The following ENOSF1 variants were observed in gnomAD, a reference collection of about 807,000 sequenced individuals.
The protein encoded by ENOSF1 is mitochondrial enolase superfamily member 1.
In ENOSF1, 73 loss-of-function variants were observed where a neutral mutation model predicts 68.2. The ratio of observed to expected loss-of-function variants is 1.07; its 90% CI spans 0.89 to 1.30. The LOEUF is 1.30. Ranked by LOEUF, ENOSF1 falls within the 50% of genes most tolerant of loss-of-function variation. The probability of loss-of-function intolerance (pLI) is 0.00; values close to 1 mark genes in which losing one functional copy is unlikely to be tolerated. For missense variants in ENOSF1, 589 were observed against 554.5 expected, an observed-to-expected ratio of 1.06 and a Z score of -0.62; for synonymous variants, 223 against 210.4, an observed-to-expected ratio of 1.06 and a Z score of -0.52.
chr18:702,633 G>A (rs953842158), intron 2 of ENOSF1, among the ~76,000 whole-genome samples: 11 of 152,000 alleles, frequency 7.2e-5, no homozygotes, highest in Non-Finnish European at 1.0e-4. Context: ...CCAGCTACTC[G>A]GGAAGGTGAG....
At chr18:695,297 G>T (rs192908721) in intron 3 of ENOSF1, among the ~76,000 whole-genome samples, 1 of 152,024 alleles carries the variant, frequency 6.6e-6, no homozygotes, top group Non-Finnish European at 1.5e-5. Context: ...TACATTTTTT[G>T]GCATCAATAC....
intron 2 of ENOSF1, among the ~76,000 whole-genome samples, chr18:703,352 T>C (rs891638734): frequency 6.0e-5 from 9 of 149,684 alleles, no homozygotes; most frequent in African/African-American, 2.0e-4. Flanking sequence ...GTTTAAAGTC[T>C]GGGCTGTTAA....
intron 8 of ENOSF1, among the ~76,000 whole-genome samples, chr18:689,992 C>G (rs987916994): frequency 1.3e-5 from 2 of 152,090 alleles, no homozygotes; most frequent in East Asian, 1.9e-4. Context: ...GAACAGGGTT[C>G]AGAGAGCTTC....
At chr18:702,601 A>C (rs1301856755) in intron 2 of ENOSF1, among the ~76,000 whole-genome samples, 1 of 151,968 alleles carries the variant, frequency 6.6e-6, no homozygotes, top group Admixed American at 6.6e-5. Flanking sequence ...TTAGCTAGGC[A>C]TGGTGGCTTG....
chr18:666,887 C>G (rs562661108), downstream of ENOSF1, among the ~76,000 whole-genome samples: 2 of 122,632 alleles, frequency 1.6e-5, no homozygotes, highest in African/African-American at 7.7e-5. Flanking sequence ...CGAAAAAGTT[C>G]GGGAGATGGT....
At chr18:677,075 A>C (rs2075588299) in intron 14 of ENOSF1, among the ~76,000 whole-genome samples, 1 of 152,222 alleles carries the variant, frequency 6.6e-6, no homozygotes, top group South Asian at 2.1e-4. Flanking sequence ...TGAAAACAGG[A>C]GCTGGTTAAG....
At chr18:666,467 C>T (rs2074818076), downstream of ENOSF1, among the ~76,000 whole-genome samples, 1 of 152,150 alleles carries the variant, frequency 6.6e-6, no homozygotes, top group Non-Finnish European at 1.5e-5. Context: ...TTGGTGTCAC[C>T]TCTTACTGGA....
At chr18:710,381 A>G (rs2079381913) in intron 1 of ENOSF1, among the ~76,000 whole-genome samples, 1 of 152,180 alleles carries the variant, frequency 6.6e-6, no homozygotes, top group Admixed American at 6.5e-5. Context: ...AAGTGCTGGG[A>G]TTATAGGCTT....
chr18:669,343 G>T, downstream of ENOSF1: 9 of 493,468 alleles, frequency 1.8e-5, no homozygotes, highest in East Asian at 3.1e-5. Context: ...TTCACCTTCA[G>T]ATCATGAGGT....
chr18:694,255 T>A lies in ENOSF1; in HGVS notation c.389A>T (p.Glu130Val), dbSNP rs555175383. 2.5e-6 allele frequency: 4 copies of A among 1,614,100 alleles called. No individual in the cohort carries two copies. The South Asian group carries it at 4.4e-5, about 18-fold the overall frequency. ...GTTTGTGAGAGGGGTTACCTTTCCCTCCTGCTTGGCCCACAAGTCCCACAC... is the reference window on the plus strand; with the variant it reads ...GTTTGTGAGAGGGGTTACCTTTCCCACCTGCTTGGCCCACAAGTCCCACAC... ...NAVWDLWAKQ[E>V]GKPVWKLLVD... Residue 130 changes from glutamate to valine, a missense_variant, in exon 4 of 16, where the codon GAG becomes GTG. By Grantham distance (121) the Glu-to-Val change is moderately radical (BLOSUM62 -2). Transcript: ENST00000647584.
chr18:675,670 A>G (rs186414648), intron 14 of ENOSF1: 6 of 371,624 alleles, frequency 1.6e-5, no homozygotes, highest in Non-Finnish European at 2.4e-5. Flanking sequence ...AAAGGGATCA[A>G]TTCAGACTCT....
At chr18:700,380 CCACCGTCT>C (rs1387388286) in intron 2 of ENOSF1, among the ~76,000 whole-genome samples, 1 of 152,192 alleles carries the variant, frequency 6.6e-6, no homozygotes, top group African/African-American at 2.4e-5. Context: ...CGACACCAAA[CCACCGTCT>C]CAAGGATTTG....
chr18:708,586 C>T lies in ENOSF1; in HGVS notation c.85-2008G>A, dbSNP rs141665749. Among the ~76,000 whole-genome samples, 551 of 152,158 alleles carry T rather than the reference C, an allele frequency of 3.6e-3. 5 individuals carry two copies. The highest frequency in any genetic ancestry group is 0.013 in the African/African-American group (520 of 41,516). ...AAAATGCTAAGGCCTGGGAGGGATG[C>T]AAACTATGAACGACTGGCAGAGAGC... On this transcript the variant is annotated intron_variant, in intron 1 of 15. Coordinates refer to ENST00000647584, the MANE Select transcript of ENOSF1 (RefSeq NM_017512.7).
In ENOSF1 at chr18:706,580, T is replaced by C. The variant is rs1598811071; in HGVS notation, c.85-2A>G. 6.2e-7 allele frequency: 1 copy of C among 1,611,010 alleles called. No individual in the cohort carries two copies. The highest frequency in any genetic ancestry group is 2.2e-5 in the East Asian group (1 of 44,854). ...AGCCGAGTAGTCAGGGTCCGTGTGC[T>C]GCAGGAGAAGAGTTCCCCGCCGAAA... On this transcript the variant is annotated splice_acceptor_variant, in intron 1 of 15. Coordinates refer to ENST00000647584, the MANE Select transcript of ENOSF1 (RefSeq NM_017512.7). LOFTEE classifies it high-confidence loss of function.
intron 2 of ENOSF1, among the ~76,000 whole-genome samples, chr18:704,177 T>C (rs1325675874): frequency 2.0e-5 from 3 of 152,170 alleles, no homozygotes; most frequent in African/African-American, 4.8e-5. Context: ...TTCATGCCTA[T>C]AATCTTAGCA....
At position 670,611 on chromosome 18, in the gene ENOSF1, T is replaced by G; in HGVS notation, c.*3694A>C. The G allele has an allele frequency of 6.6e-7, 1 of 1,505,066 alleles. No homozygotes were observed. Among genetic ancestry groups the G allele is most frequent in the Non-Finnish European group, 9.1e-7 (1 of 1,102,522 alleles). The allele number at this position is 1,505,066 out of a possible 1,614,324, so 93.2% of individuals were successfully genotyped here. ...TCTCCACCATATGAGTTGGCTTCTGTTTCTCTCCTGTTTTACTTTGCCTTT... is the reference window on the plus strand; with the variant it reads ...TCTCCACCATATGAGTTGGCTTCTGGTTCTCTCCTGTTTTACTTTGCCTTT... On this transcript the variant is annotated 3_prime_UTR_variant, in exon 16 of 16. Transcript: ENST00000647584.
At chr18:701,997 C>G (rs1043511145) in intron 2 of ENOSF1, among the ~76,000 whole-genome samples, 3 of 151,610 alleles carry the variant, frequency 2.0e-5, no homozygotes, top group African/African-American at 7.3e-5. Flanking sequence ...TGGCTTATAG[C>G]TTATGCCTGC....
chr18:671,839 G>A lies in ENOSF1; in HGVS notation c.*2466C>T. 4.6e-6 allele frequency: 1 copy of A among 217,642 alleles called. No individual in the cohort carries two copies. Among genetic ancestry groups the A allele is most frequent in the South Asian group, 6.7e-5 (1 of 14,930 alleles). 13.5% of individuals were successfully genotyped at this position (217,642 alleles called of 1,614,324 possible). A position where few individuals can be genotyped will look rare whatever the true frequency, so the allele number is the denominator to read the frequency against. On this transcript the variant is annotated 3_prime_UTR_variant, in exon 16 of 16. Coordinates refer to ENST00000647584, the MANE Select transcript of ENOSF1 (RefSeq NM_017512.7). ...GTCGGCCAGGCTGGAGTGTGCCGTG[G>A]TGCGATCTCAGCTCACTGCAACCTC...
intron 9 of ENOSF1, chr18:686,297 G>T: frequency 8.6e-6 from 3 of 349,030 alleles, no homozygotes; most frequent in Non-Finnish European, 5.2e-6. Flanking sequence ...GCCGGGCCAT[G>T]AAAAGGAATT....
Sources: allele counts gnomAD v4.1 joint callset (sites outside exome capture counted in the v4.1 genomes callset), GRCh38; gene constraint gnomAD v4.1.1; transcripts MANE v1.5; gene names NCBI Gene and HGNC (gene_info 2026-07-23, HGNC 2026-07-21).